STK32A: variants seen among roughly 807,000 people sequenced by gnomAD.
STK32A encodes the protein serine/threonine kinase 32A.
Under a neutral mutation model 53.2 loss-of-function variants are expected in STK32A, and 41 were observed. The observed-to-expected ratio is 0.77, with a 90% CI of 0.60 to 1.00. The LOEUF (loss-of-function observed/expected upper bound fraction) is 1.00, where lower values mean the gene tolerates loss of function less well. Ranked by LOEUF, STK32A falls within the 50% of genes least tolerant of loss-of-function variation. The probability of loss-of-function intolerance (pLI) is 0.00; values close to 1 mark genes in which losing one functional copy is unlikely to be tolerated. For synonymous variants in STK32A, 166 were observed against 162.8 expected (o/e 1.02, Z -0.15); for missense variants, 458 against 485.8 (o/e 0.94, Z 0.54).
At chr5:147,267,708 C>G (rs6868578) in intron 2 of STK32A, among the ~76,000 whole-genome samples, 97,576 of 151,908 alleles carry the variant, frequency 0.64, 31,629 homozygotes, top group Admixed American at 0.73. Context: ...ATAGAGGCAA[C>G]ATGGAGGGGG....
At chr5:147,235,701 T>A (rs901615307) in intron 1 of STK32A, among the ~76,000 whole-genome samples, 3 of 152,220 alleles carry the variant, frequency 2.0e-5, no homozygotes, top group African/African-American at 7.2e-5. Context: ...CACTCTCTCA[T>A]GCCATTTAGG....
chr5:147,254,111 C>T (rs907054412), intron 2 of STK32A, among the ~76,000 whole-genome samples: 3 of 152,126 alleles, frequency 2.0e-5, no homozygotes, highest in Non-Finnish European at 4.4e-5. Context: ...CCAGCCATAC[C>T]GGATTCAGGG....
At chr5:147,290,193 TAAAG>T (rs1224725189) in intron 4 of STK32A, among the ~76,000 whole-genome samples, 6 of 152,062 alleles carry the variant, frequency 3.9e-5, no homozygotes, top group Non-Finnish European at 7.4e-5. Context: ...GAGAAGTATA[TAAAG>T]AGAGTAAGTA....
At chr5:147,283,418 G>A (rs777966225) in intron 4 of STK32A, among the ~76,000 whole-genome samples, 5 of 150,488 alleles carry the variant, frequency 3.3e-5, no homozygotes, top group Admixed American at 6.6e-5. Context: ...ACCCAAACCC[G>A]GCAGAAGAAA....
At chr5:147,278,917 T>C (rs1751901338) in intron 3 of STK32A, among the ~76,000 whole-genome samples, 1 of 152,114 alleles carries the variant, frequency 6.6e-6, no homozygotes, top group Admixed American at 6.5e-5. Flanking sequence ...TCTATTTCAG[T>C]CACTCAAAGC....
intron 4 of STK32A, among the ~76,000 whole-genome samples, chr5:147,310,533 G>A (rs1423098563): frequency 6.6e-6 from 1 of 152,128 alleles, no homozygotes; most frequent in South Asian, 2.1e-4. Context: ...CGCCAGCCAG[G>A]CCTGCCCAGC....
chr5:147,337,608 A>G (rs946088793), intron 5 of STK32A, among the ~76,000 whole-genome samples: 6 of 152,046 alleles, frequency 3.9e-5, no homozygotes, highest in Non-Finnish European at 5.9e-5. Flanking sequence ...TTACTCGAGC[A>G]CCTACTTTAT....
intron 2 of STK32A, among the ~76,000 whole-genome samples, chr5:147,274,457 A>C (rs1228756989): frequency 6.6e-6 from 1 of 152,148 alleles, no homozygotes; most frequent in African/African-American, 2.4e-5. Context: ...CAAGTAAAAG[A>C]CTCAAGAAGT....
At chr5:147,287,136 C>T (rs1460785026) in intron 4 of STK32A, among the ~76,000 whole-genome samples, 1 of 152,190 alleles carries the variant, frequency 6.6e-6, no homozygotes, top group Non-Finnish European at 1.5e-5. Context: ...AATGACTAGA[C>T]ATTAAGTGAC....
chr5:147,235,652 T>C (rs1322700031), intron 1 of STK32A, among the ~76,000 whole-genome samples: 1 of 152,214 alleles, frequency 6.6e-6, no homozygotes, highest in African/African-American at 2.4e-5. Flanking sequence ...ATTTCAGAAG[T>C]ATGATGGCAG....
intron 2 of STK32A, chr5:147,240,281 C>T (rs1372267407): frequency 6.6e-6 from 1 of 152,380 alleles, no homozygotes; most frequent in Non-Finnish European, 1.5e-5. Flanking sequence ...AATGCCTCCT[C>T]ATGTCCCTCT....
At chr5:147,247,116 T>G (rs1753794916) in intron 2 of STK32A, among the ~76,000 whole-genome samples, 1 of 152,238 alleles carries the variant, frequency 6.6e-6, no homozygotes, top group African/African-American at 2.4e-5. Flanking sequence ...AGTTTCATTA[T>G]TCAGACAATT....
intron 4 of STK32A, among the ~76,000 whole-genome samples, chr5:147,310,508 C>T (rs1263497524): frequency 1.3e-5 from 2 of 152,230 alleles, no homozygotes; most frequent in East Asian, 3.9e-4. Context: ...CTCAGCACGC[C>T]GGGCACCTCT....
chr5:147,351,384 G>A (rs1054892141), intron 7 of STK32A, among the ~76,000 whole-genome samples: 9 of 152,110 alleles, frequency 5.9e-5, no homozygotes, highest in Non-Finnish European at 1.2e-4. Context: ...AAGGAAGACC[G>A]TTTGTACCCA....
intron 4 of STK32A, among the ~76,000 whole-genome samples, chr5:147,317,143 C>CAA (rs58355621): frequency 7.6e-6 from 1 of 130,898 alleles, no homozygotes; most frequent in Non-Finnish European, 1.6e-5. Flanking sequence ...ATAGTTTTGC[C>CAA]AAAAAAAAAA....
chr5:147,257,484 G>A (rs1754286252), intron 2 of STK32A, among the ~76,000 whole-genome samples: 3 of 152,138 alleles, frequency 2.0e-5, no homozygotes, highest in Admixed American at 2.0e-4. Flanking sequence ...ATAACTAGAT[G>A]GTCAGCAATA....
chr5:147,269,616 C>A (rs76947342), intron 2 of STK32A, among the ~76,000 whole-genome samples: 1 of 152,124 alleles, frequency 6.6e-6, no homozygotes, highest in Non-Finnish European at 1.5e-5. Flanking sequence ...GCATGCAAGA[C>A]TTTTACTTGA....
Position 147,387,336 on chromosome 5 carries a change from A to T in STK32A, c.*3353A>T, listed in dbSNP as rs1377769880. ...AGGGCAGGAATGAACAGCAACCAGC[A>T]CAGAGCATTGCTAAATTAATTACAG... On this transcript the variant is annotated 3_prime_UTR_variant, in exon 13 of 13. Transcript: ENST00000397936. 6.6e-6 allele frequency: 1 copy of T among 152,270 alleles called. No homozygotes were observed. Among genetic ancestry groups the T allele is most frequent in the Non-Finnish European group, 1.5e-5 (1 of 68,044 alleles). The allele number at this position is 152,270 out of a possible 1,614,324, so 9.4% of individuals were successfully genotyped here. A position where few individuals can be genotyped will look rare whatever the true frequency, so the allele number is the denominator to read the frequency against.
chr5:147,318,977 A>G (rs1005268196), intron 4 of STK32A, among the ~76,000 whole-genome samples: 12 of 152,124 alleles, frequency 7.9e-5, no homozygotes, highest in African/African-American at 2.9e-4. Context: ...AAGTCATGAC[A>G]TATCTGCTTA....
Sources: gnomAD v4.1 joint callset for allele counts (sites outside exome capture counted in the v4.1 genomes callset) on GRCh38, gnomAD v4.1.1 for gene constraint, MANE v1.5 for transcripts, NCBI Gene and HGNC (gene_info 2026-07-23, HGNC 2026-07-21) for gene names.